UBAC2: variants seen among roughly 807,000 people sequenced by gnomAD.
The protein encoded by UBAC2 is UBA domain containing 2, also known as ubiquitin-associated domain-containing protein 2.
UBAC2 carries 26 observed loss-of-function variants against 44.0 expected under a neutral mutation model. The ratio of observed to expected loss-of-function variants is 0.59; its 90% CI spans 0.43 to 0.82. The LOEUF (loss-of-function observed/expected upper bound fraction) is 0.82, where lower values mean the gene tolerates loss of function less well. Among genes scored for constraint, UBAC2 ranks in the 40% least tolerant of loss-of-function variants. UBAC2 has a pLI of 0.00. For missense variants in UBAC2, 329 were observed against 419.4 expected (o/e 0.78, Z 1.88); for synonymous variants, 155 against 154.3 (o/e 1.00, Z -0.04).
chr13:99,346,905 AATGAGCAAAT>A (rs67452504), intron 7 of UBAC2, among the ~76,000 whole-genome samples: 28,137 of 152,118 alleles, frequency 0.18, 2,726 homozygotes, highest in Middle Eastern at 0.23. Context: ...TGTGGGAATT[AATGAGCAAAT>A]ATGAGCATAA....
intron 8 of UBAC2, among the ~76,000 whole-genome samples, chr13:99,376,523 C>G (rs568691587): frequency 6.6e-6 from 1 of 152,242 alleles, no homozygotes; most frequent in African/African-American, 2.4e-5. Context: ...CCAGCTGCAC[C>G]TTGGTGTCCT....
intron 1 of UBAC2, among the ~76,000 whole-genome samples, chr13:99,216,080 A>G (rs568490497): frequency 0.13 from 12,051 of 90,590 alleles, 551 homozygotes; most frequent in East Asian, 0.19. Context: ...ACCAACCTAT[A>G]TTTGTGTGTG....
chr13:99,251,181 T>A (rs1033947693), intron 4 of UBAC2, among the ~76,000 whole-genome samples: 1 of 152,198 alleles, frequency 6.6e-6, no homozygotes, highest in African/African-American at 2.4e-5. Flanking sequence ...TGAACTAAGT[T>A]ATTGGTGTAT....
At chr13:99,281,188 CA>C (rs539579798) in intron 4 of UBAC2, among the ~76,000 whole-genome samples, 1 of 144,246 alleles carries the variant, frequency 6.9e-6, no homozygotes, top group Non-Finnish European at 1.5e-5. Context: ...GACTCCATCT[CA>C]AAAAAAACAA....
At position 99,385,525 on chromosome 13, in the gene UBAC2, AT is replaced by A; in HGVS notation, c.*192del. ...AGTGTGGAGATAAGTTTGCCATTACATTAGCATGTATTTTCTATCTATATTT... is the reference window on the plus strand; with the variant it reads ...AGTGTGGAGATAAGTTTGCCATTACATAGCATGTATTTTCTATCTATATTT... On this transcript the variant is annotated 3_prime_UTR_variant, in exon 9 of 9. Transcript: ENST00000403766. 3.7e-6 allele frequency: 2 copies of A among 544,414 alleles called. No individual in the cohort carries two copies. Among genetic ancestry groups the A allele is most frequent in the African/African-American group, 3.8e-5 (2 of 53,316 alleles). The allele number at this position is 544,414 out of a possible 1,614,324, so 33.7% of individuals were successfully genotyped here.
At chr13:99,311,090 C>T (rs1017534357) in intron 4 of UBAC2, among the ~76,000 whole-genome samples, 1 of 152,352 alleles carries the variant, frequency 6.6e-6, no homozygotes, top group East Asian at 1.9e-4. Context: ...TTCATTTCTT[C>T]TGCAAATATT....
In UBAC2 at chr13:99,236,232, T is replaced by G. The variant is rs187343723; in HGVS notation, c.32-2195T>G. ...ATTAAATCAAACTAAAAAGCTCCAG[T>G]TGCACAGCAAAAGAAACAGTCAACA... On this transcript the variant is annotated intron_variant, in intron 1 of 8. Coordinates refer to ENST00000403766, the MANE Select transcript of UBAC2 (RefSeq NM_001144072.2). Among the ~76,000 whole-genome samples, 612 of 152,186 alleles carry G rather than the reference T, an allele frequency of 4.0e-3. 6 individuals are homozygous for G. Among genetic ancestry groups the G allele is most frequent in the African/African-American group, 0.014 (578 of 41,512 alleles).
At chr13:99,203,120 T>A (rs2042826351) in intron 1 of UBAC2, among the ~76,000 whole-genome samples, 1 of 151,988 alleles carries the variant, frequency 6.6e-6, no homozygotes, top group South Asian at 2.1e-4. Context: ...CACTGCAACC[T>A]CCGCCTCCCG....
At chr13:99,213,298 GCCTTTCTTGGCCTC>G (rs1258499663) in intron 1 of UBAC2, among the ~76,000 whole-genome samples, 1 of 151,306 alleles carries the variant, frequency 6.6e-6, no homozygotes, top group Non-Finnish European at 1.5e-5. Context: ...CAGGTGATCT[GCCTTTCTTGGCCTC>G]CCAAGTTGCT....
intron 1 of UBAC2, among the ~76,000 whole-genome samples, chr13:99,227,364 G>T (rs538029801): frequency 1.3e-5 from 2 of 152,188 alleles, no homozygotes; most frequent in Admixed American, 1.3e-4. Flanking sequence ...ACTGTCGTCA[G>T]CCCCGGGAGC....
Position 99,348,454 on chromosome 13 carries a change from A to G in UBAC2, c.807+7889A>G, listed in dbSNP as rs530373359. On this transcript the variant is annotated intron_variant, in intron 7 of 8. Transcript: ENST00000403766. Reference sequence around the variant, plus strand: ...GTTTCAGTCACGGGGGGCCTTATGAAAAAACGCACAGGGGCTCAAAACAGC... The same window carrying G: ...GTTTCAGTCACGGGGGGCCTTATGAGAAAACGCACAGGGGCTCAAAACAGC... Among the ~76,000 whole-genome samples, 3 of 152,320 alleles carry G rather than the reference A, an allele frequency of 2.0e-5. No homozygotes were observed. The South Asian group carries it at 6.2e-4, about 32-fold the overall frequency.
chr13:99,305,987 C>A (rs550402698), intron 4 of UBAC2, among the ~76,000 whole-genome samples: 205 of 152,198 alleles, frequency 1.3e-3, no homozygotes, highest in African/African-American at 4.2e-3. Flanking sequence ...CCTCCGCCTC[C>A]CAGGTTCAAG....
intron 1 of UBAC2, among the ~76,000 whole-genome samples, chr13:99,225,452 CA>C (rs1252773928): frequency 6.6e-6 from 1 of 152,196 alleles, no homozygotes; most frequent in African/African-American, 2.4e-5. Flanking sequence ...ATAATGTCCT[CA>C]AGGTTCATGC....
At chr13:99,338,039 C>CTTTTTTCTTTTTTTTTTTTTTTTTT (rs1566509471) in intron 6 of UBAC2, among the ~76,000 whole-genome samples, 26 of 91,562 alleles carry the variant, frequency 2.8e-4, no homozygotes, top group Admixed American at 8.2e-4. Context: ...AACTTTTTTT[C>CTTTTTTCTTTTTTTTTTTTTTTTTT]TTTTTTTCTT....
intron 4 of UBAC2, among the ~76,000 whole-genome samples, chr13:99,298,158 A>G (rs1490226826): frequency 6.6e-6 from 1 of 152,198 alleles, no homozygotes; most frequent in Non-Finnish European, 1.5e-5. Context: ...TGTGCTAGAT[A>G]GAAAAGAGAT....
chr13:99,315,717 T>C (rs1366218332), intron 5 of UBAC2, among the ~76,000 whole-genome samples: 1 of 152,166 alleles, frequency 6.6e-6, no homozygotes, highest in Non-Finnish European at 1.5e-5. Context: ...GAACAGATAA[T>C]AAGAGTTAAG....
At chr13:99,296,773 G>A (rs1486844242) in intron 4 of UBAC2, among the ~76,000 whole-genome samples, 9 of 152,106 alleles carry the variant, frequency 5.9e-5, no homozygotes, top group Admixed American at 3.3e-4. Context: ...AGAAGACGAC[G>A]ACCGCAACAA....
rs75261568 is a variant in UBAC2 at position 99,207,485 on chromosome 13, T to C, written c.31+6546T>C. On this transcript the variant is annotated intron_variant, in intron 1 of 8. Transcript: ENST00000403766. Reference sequence around the variant, plus strand: ...GTGATCTTCCCTTATTTTTTCCCTGTTCTCATCTCCCTTCACTTTTTAGCC... The same window carrying C: ...GTGATCTTCCCTTATTTTTTCCCTGCTCTCATCTCCCTTCACTTTTTAGCC... Among the ~76,000 whole-genome samples, 146 of 152,340 alleles carry C rather than the reference T, an allele frequency of 9.6e-4. 1 individual carries two copies. The highest frequency in any genetic ancestry group is 3.0e-3 in the African/African-American group (124 of 41,586).
intron 8 of UBAC2, among the ~76,000 whole-genome samples, chr13:99,368,746 C>T (rs2045367495): frequency 6.7e-6 from 1 of 149,794 alleles, no homozygotes; most frequent in Non-Finnish European, 1.5e-5. Context: ...CTCACTCTGA[C>T]CGAGAGGGCT....
Sources: gnomAD v4.1 joint callset for allele counts (sites outside exome capture counted in the v4.1 genomes callset) on GRCh38, gnomAD v4.1.1 for gene constraint, MANE v1.5 for transcripts, NCBI Gene and HGNC (gene_info 2026-07-23, HGNC 2026-07-21) for gene names.